The following MCC variants were observed in gnomAD, a reference collection of about 807,000 sequenced individuals.
MCC encodes the protein colorectal mutant cancer protein.
MCC carries 90 observed loss-of-function variants against 116.2 expected under a neutral mutation model. The ratio of observed to expected loss-of-function variants is 0.77; its 90% CI spans 0.65 to 0.92. The LOEUF is 0.92. MCC is among the 40% of genes least tolerant of loss of function. The pLI is 0.00. For synonymous variants in MCC, 578 were observed against 510.5 expected, an observed-to-expected ratio of 1.13 and a Z score of -1.78; for missense variants, 1,516 against 1,312.2, an observed-to-expected ratio of 1.16 and a Z score of -2.40.
chr5:113,414,562 G>A (rs113211014), intron 1 of MCC, among the ~76,000 whole-genome samples: 26,008 of 151,958 alleles, frequency 0.17, 2,604 homozygotes, highest in Admixed American at 0.31. Flanking sequence ...TTTAAAGTCC[G>A]TTTTATCAGA....
rs567527163 is a variant in MCC at position 113,026,533 on chromosome 5, A to G, written c.*769T>C. ...TCCCAGCTCTAAGTCTTGGATATTA[A>G]TAAGGCTCCACTGAGAGGGAGAAAT... On this transcript the variant is annotated 3_prime_UTR_variant, in exon 19 of 19. Coordinates refer to ENST00000408903, the MANE Select transcript of MCC (RefSeq NM_001085377.2). 3 of 152,270 alleles carry G rather than the reference A, an allele frequency of 2.0e-5. No individual in the cohort carries two copies. The highest frequency in any genetic ancestry group is 2.9e-5 in the Non-Finnish European group (2 of 68,054). 9.4% of individuals were successfully genotyped at this position (152,270 alleles called of 1,614,324 possible).
chr5:113,260,765 G>A (rs1028996742), intron 3 of MCC, among the ~76,000 whole-genome samples: 6 of 150,738 alleles, frequency 4.0e-5, no homozygotes, highest in South Asian at 2.1e-4. Context: ...AATATCCCCC[G>A]AAAAGTACAT....
intron 1 of MCC, among the ~76,000 whole-genome samples, chr5:113,461,639 C>G (rs1771745859): frequency 6.6e-6 from 1 of 151,494 alleles, no homozygotes; most frequent in African/African-American, 2.4e-5. Flanking sequence ...CCACTGCACT[C>G]CAGCCTGAGT....
chr5:113,372,068 T>C (rs1768848844), intron 2 of MCC, among the ~76,000 whole-genome samples: 1 of 152,204 alleles, frequency 6.6e-6, no homozygotes, highest in Non-Finnish European at 1.5e-5. Flanking sequence ...AGTTAAATCA[T>C]GCCGGAGAGA....
At chr5:113,420,973 T>A (rs1384583905) in intron 1 of MCC, among the ~76,000 whole-genome samples, 1 of 152,180 alleles carries the variant, frequency 6.6e-6, no homozygotes, top group East Asian at 1.9e-4. Flanking sequence ...AATCAGTAAT[T>A]TGAACTTTAT....
intron 14 of MCC, among the ~76,000 whole-genome samples, chr5:113,057,738 A>C (rs1752932543): frequency 6.6e-6 from 1 of 152,262 alleles, no homozygotes; most frequent in Non-Finnish European, 1.5e-5. Flanking sequence ...AAAACCCCCA[A>C]GTAGAGCTCA....
At chr5:113,039,724 A>ACCCAC (rs1751570992) in intron 17 of MCC, among the ~76,000 whole-genome samples, 2 of 42,038 alleles carry the variant, frequency 4.8e-5, no homozygotes, top group Non-Finnish European at 1.0e-4. Flanking sequence ...CCCCCCCCCA[A>ACCCAC]CCCACCCCAG....
At chr5:113,045,941 C>T (rs1752041200) in intron 16 of MCC, among the ~76,000 whole-genome samples, 1 of 152,224 alleles carries the variant, frequency 6.6e-6, no homozygotes, top group African/African-American at 2.4e-5. Flanking sequence ...CCCACAAGCT[C>T]TACAACATTC....
rs1554079197 is a variant in MCC, at chr5:113,367,637, G to GGT, written c.415+17330_415+17331insAC. ...ATAAGGAAGGCAGAGGGTGGGGGGG[G>GGT]GGAAGAGAGAGAGAAAGAGAGAGAG... On this transcript the variant is annotated intron_variant, in intron 2 of 18. Coordinates refer to ENST00000408903, the MANE Select transcript of MCC (RefSeq NM_001085377.2). Among the ~76,000 whole-genome samples the GGT allele has an allele frequency of 6.3e-5, 6 of 95,832 alleles. 1 individual carries two copies. The highest frequency in any genetic ancestry group is 1.1e-4 in the African/African-American group (3 of 26,098). 62.9% of individuals were successfully genotyped at this position (95,832 alleles called of 152,430 possible). A position where few individuals can be genotyped will look rare whatever the true frequency, so the allele number is the denominator to read the frequency against.
intron 3 of MCC, among the ~76,000 whole-genome samples, chr5:113,222,973 G>C (rs917141253): frequency 5.9e-5 from 9 of 152,224 alleles, no homozygotes; most frequent in African/African-American, 2.2e-4. Context: ...ACCCATCATT[G>C]CAACTCAGCA....
chr5:113,228,850 G>T (rs149212040), intron 3 of MCC, among the ~76,000 whole-genome samples: 3 of 152,310 alleles, frequency 2.0e-5, no homozygotes, highest in Non-Finnish European at 4.4e-5. Context: ...TGTGGGTTTG[G>T]TGACAGATTA....
chr5:113,432,687 C>A (rs776674336), intron 1 of MCC: 2 of 152,180 alleles, frequency 1.3e-5, no homozygotes, highest in Non-Finnish European at 2.9e-5. Flanking sequence ...ACTATTGTTA[C>A]ATTGTTTCCA....
At chr5:113,185,681 A>C (rs914156870) in intron 3 of MCC, among the ~76,000 whole-genome samples, 1 of 152,192 alleles carries the variant, frequency 6.6e-6, no homozygotes, top group African/African-American at 2.4e-5. Context: ...ACAAACTTCA[A>C]CCTCTCTTGA....
chr5:113,407,088 A>T (rs1769856570), intron 1 of MCC, among the ~76,000 whole-genome samples: 1 of 152,222 alleles, frequency 6.6e-6, no homozygotes. Context: ...CAGAAAAAAA[A>T]TTGTTATCTA....
chr5:113,372,176 A>G (rs1032408209), intron 2 of MCC, among the ~76,000 whole-genome samples: 2 of 152,226 alleles, frequency 1.3e-5, no homozygotes, highest in Non-Finnish European at 2.9e-5. Context: ...TTACCACCTG[A>G]GATAAACACA....
chr5:113,237,839 C>T lies in MCC; in HGVS notation c.628-86417G>A, dbSNP rs1300146269. Among the ~76,000 whole-genome samples, 4 of 152,244 alleles carry T rather than the reference C, an allele frequency of 2.6e-5. No individual in the cohort carries two copies. The South Asian group carries it at 8.3e-4, about 32-fold the overall frequency. On this transcript the variant is annotated intron_variant, in intron 3 of 18. Transcript: ENST00000408903. ...GCCGGTGATTTAATTTTGTCTAAGG[C>T]AAGAACACTGAAAAACAATCAGAGT...
In MCC at chr5:113,092,890, C is replaced by T. The variant is rs564681753; in HGVS notation, c.1399-7580G>A. On this transcript the variant is annotated intron_variant, in intron 8 of 18. Transcript: ENST00000408903. ...GTAATTCCCACCAGGCCGGAGGAGA[C>T]ATGTGCAAGGGACTATGCCCCGGAG... 3.3e-5 allele frequency among the ~76,000 whole-genome samples: 5 copies of T among 152,286 alleles called. 1 individual carries two copies. The highest frequency in any genetic ancestry group is 1.2e-4 in the African/African-American group (5 of 41,554).
intron 3 of MCC, among the ~76,000 whole-genome samples, chr5:113,302,891 A>G (rs977199950): frequency 2.0e-5 from 3 of 152,250 alleles, no homozygotes; most frequent in African/African-American, 7.2e-5. Flanking sequence ...AGGCTATTGC[A>G]GTGGTCCAGG....
At chr5:113,107,353 G>C (rs914418993) in intron 6 of MCC, among the ~76,000 whole-genome samples, 1 of 151,940 alleles carries the variant, frequency 6.6e-6, no homozygotes, top group African/African-American at 2.4e-5. Flanking sequence ...GAGTAGCTTG[G>C]ATTACAGGCG....
Sources: gnomAD v4.1 joint callset for allele counts (sites outside exome capture counted in the v4.1 genomes callset) on GRCh38, gnomAD v4.1.1 for gene constraint, MANE v1.5 for transcripts, NCBI Gene and HGNC (gene_info 2026-07-23, HGNC 2026-07-21) for gene names.